TMEM163: variants seen among roughly 807,000 people sequenced by gnomAD.
TMEM163 encodes the protein transmembrane protein 163.
In TMEM163, 17 loss-of-function variants were observed where a neutral mutation model predicts 29.3. The ratio of observed to expected loss-of-function variants is 0.58; its 90% CI spans 0.40 to 0.87. TMEM163 has a LOEUF of 0.87. Ranked by LOEUF, TMEM163 falls within the 40% of genes least tolerant of loss-of-function variation. TMEM163 has a pLI of 0.00. For synonymous variants in TMEM163, 157 were observed against 160.6 expected, an observed-to-expected ratio of 0.98 and a Z score of 0.17; for missense variants, 303 against 381.5, an observed-to-expected ratio of 0.79 and a Z score of 1.71.
chr2:134,656,186 T>C (rs1683606367), intron 2 of TMEM163, among the ~76,000 whole-genome samples: 1 of 145,934 alleles, frequency 6.9e-6, no homozygotes, highest in African/African-American at 2.7e-5. Context: ...ACTGCTGTAC[T>C]AGAAATCAGC....
intron 4 of TMEM163, among the ~76,000 whole-genome samples, chr2:134,510,315 C>G (rs1398814238): frequency 6.6e-6 from 1 of 152,058 alleles, no homozygotes; most frequent in Non-Finnish European, 1.5e-5. Flanking sequence ...GCAGGATCAC[C>G]AAGTTGGAAC....
intron 2 of TMEM163, among the ~76,000 whole-genome samples, chr2:134,657,676 G>A (rs990571477): frequency 1.3e-5 from 2 of 152,222 alleles, no homozygotes; most frequent in African/African-American, 2.4e-5. Flanking sequence ...GGTGGCGCAT[G>A]CCTGTAATCC....
intron 4 of TMEM163, among the ~76,000 whole-genome samples, chr2:134,537,256 T>C (rs1680561548): frequency 6.6e-6 from 1 of 152,218 alleles, no homozygotes; most frequent in South Asian, 2.1e-4. Context: ...ACATGGACAC[T>C]GTCAGAGCTC....
At chr2:134,509,751 A>G (rs1036242567) in intron 4 of TMEM163, among the ~76,000 whole-genome samples, 16 of 152,246 alleles carry the variant, frequency 1.1e-4, no homozygotes, top group African/African-American at 3.9e-4. Flanking sequence ...AAAATAGGCA[A>G]TGGACAAGGA....
At chr2:134,638,753 C>A (rs1270054574) in intron 2 of TMEM163, among the ~76,000 whole-genome samples, 2 of 152,146 alleles carry the variant, frequency 1.3e-5, no homozygotes, top group Non-Finnish European at 1.5e-5. Flanking sequence ...GCTCCTACAG[C>A]GTTTCCAAGC....
At chr2:134,684,317 C>T (rs928465440) in intron 2 of TMEM163, among the ~76,000 whole-genome samples, 1 of 151,986 alleles carries the variant, frequency 6.6e-6, no homozygotes, top group Non-Finnish European at 1.5e-5. Context: ...GTGAAGGTTA[C>T]AGACGTACCC....
chr2:134,666,348 T>C (rs777088366), intron 2 of TMEM163, among the ~76,000 whole-genome samples: 2 of 147,938 alleles, frequency 1.4e-5, no homozygotes, highest in Non-Finnish European at 3.0e-5. Flanking sequence ...TGCCCATCCC[T>C]GAGGTCTAAT....
At chr2:134,631,692 C>T (rs569818433) in intron 2 of TMEM163, among the ~76,000 whole-genome samples, 1 of 152,274 alleles carries the variant, frequency 6.6e-6, no homozygotes, top group South Asian at 2.1e-4. Context: ...TGTGCTGGGC[C>T]TTGGCTAAAG....
At chr2:134,479,976 A>G (rs745569182) in intron 5 of TMEM163, among the ~76,000 whole-genome samples, 1 of 152,230 alleles carries the variant, frequency 6.6e-6, no homozygotes, top group Non-Finnish European at 1.5e-5. Flanking sequence ...GTTATCATAC[A>G]CTAGCTCAGG....
intron 2 of TMEM163, 119 bp downstream of exon 2, chr2:134,713,081 T>C (rs1474995489): frequency 6.9e-7 from 1 of 1,440,482 alleles, no homozygotes; most frequent in African/African-American, 1.4e-5. Context: ...TATCCAACAA[T>C]CTAAAAAAAT....
intron 2 of TMEM163, among the ~76,000 whole-genome samples, chr2:134,583,993 T>G (rs1171069438): frequency 6.6e-6 from 1 of 152,208 alleles, no homozygotes; most frequent in African/African-American, 2.4e-5. Context: ...GGCAGGAATT[T>G]CTGACCATTT....
chr2:134,523,167 C>G (rs1680223621), intron 4 of TMEM163, among the ~76,000 whole-genome samples: 1 of 152,174 alleles, frequency 6.6e-6, no homozygotes. Flanking sequence ...GTAAAAAGGG[C>G]TTCCAGTTCA....
chr2:134,644,361 T>A (rs1164203818), intron 2 of TMEM163, among the ~76,000 whole-genome samples: 29 of 152,044 alleles, frequency 1.9e-4, no homozygotes. Flanking sequence ...ATTTGAAGAC[T>A]TACTAGAAAG....
intron 4 of TMEM163, among the ~76,000 whole-genome samples, chr2:134,528,883 A>G (rs1056446046): frequency 6.6e-6 from 1 of 152,250 alleles, no homozygotes; most frequent in Non-Finnish European, 1.5e-5. Context: ...TTTAAGGTGA[A>G]TGGTTAATAA....
intron 4 of TMEM163, among the ~76,000 whole-genome samples, chr2:134,533,976 A>G (rs1680473621): frequency 6.6e-6 from 1 of 152,088 alleles, no homozygotes; most frequent in South Asian, 2.1e-4. Context: ...CCCCAACTTC[A>G]CAGTGGTCCT....
chr2:134,699,391 C>T (rs1326234867), intron 2 of TMEM163, among the ~76,000 whole-genome samples: 2 of 151,840 alleles, frequency 1.3e-5, no homozygotes, highest in Non-Finnish European at 2.9e-5. Context: ...GTAGTGCCAG[C>T]GATTTGGGAG....
At chr2:134,582,133 T>C (rs1413324960) in intron 2 of TMEM163, among the ~76,000 whole-genome samples, 2 of 152,126 alleles carry the variant, frequency 1.3e-5, no homozygotes, top group African/African-American at 4.8e-5. Context: ...GACAAGAAGA[T>C]CGCCATGTGC....
intron 2 of TMEM163, among the ~76,000 whole-genome samples, chr2:134,602,242 T>C (rs1682251756): frequency 6.6e-6 from 1 of 152,142 alleles, no homozygotes; most frequent in Non-Finnish European, 1.5e-5. Flanking sequence ...CCAATTCCAT[T>C]TTCCATTCTT....
chr2:134,458,113 A>T lies in TMEM163; in HGVS notation c.728T>A (p.Phe243Tyr), dbSNP rs753086589. 1 of 1,614,114 alleles carries T rather than the reference A, an allele frequency of 6.2e-7. No individual in the cohort carries two copies. Among genetic ancestry groups the T allele is most frequent in the South Asian group, 1.1e-5 (1 of 91,074 alleles). The change falls in exon 7 of 8, where the codon TTC (phenylalanine) becomes TAC (tyrosine). Residue 243 changes from phenylalanine (F) to tyrosine (Y), a missense_variant. Phe to Tyr is a conservative substitution (Grantham distance 22, BLOSUM62 3). This residue lies in a region of TMEM163 where 203 missense variants were observed against 294.3 expected (regional missense o/e 0.69). Coordinates refer to ENST00000281924, the MANE Select transcript of TMEM163 (RefSeq NM_030923.5). ...GTACCAGACCGCCGAGTCATGCTTG[A>T]ACACTTCCGCGCTCAGAAGAATGGA... ...GFSILLSAEVFKHDSAVWYLD... is the reference protein window; with the variant it reads ...GFSILLSAEVYKHDSAVWYLD...
Sources: gnomAD v4.1 joint callset for allele counts (sites outside exome capture counted in the v4.1 genomes callset) on GRCh38, gnomAD v4.1.1 for gene constraint, gnomAD v4.1.1 regional missense constraint, MANE v1.5 for transcripts, NCBI Gene and HGNC (gene_info 2026-07-23, HGNC 2026-07-21) for gene names.